Variants in OXSR1 observed in about 807,000 individuals in gnomAD.
OXSR1 encodes the protein oxidative stress responsive kinase 1, also known as serine/threonine-protein kinase OSR1.
OXSR1 carries 24 observed loss-of-function variants against 79.8 expected under a neutral mutation model. That is an observed-to-expected ratio of 0.30 (90% confidence interval 0.22 to 0.42). The LOEUF is 0.42. Ranked by LOEUF, OXSR1 falls within the 10% of genes least tolerant of loss-of-function variation. The pLI is 1.00. For synonymous variants in OXSR1, 226 were observed against 209.2 expected (o/e 1.08, Z -0.69); for missense variants, 430 against 618.4 (o/e 0.70, Z 3.23).
rs1701432990 is a variant in OXSR1, at chr3:38,165,727, C to T, written c.-150C>T. ...TGCTCTGCCGCGCGGTGACCCCGCG[C>T]CCCGGCGCCGTCCGACCCGTGGCTG... On this transcript the variant is annotated 5_prime_UTR_variant, in exon 1 of 18. Transcript: ENST00000311806. 4 of 655,266 alleles carry T rather than the reference C, an allele frequency of 6.1e-6. No homozygotes were observed. Among genetic ancestry groups the T allele is most frequent in the South Asian group, 2.0e-5 (1 of 51,106 alleles). 40.6% of individuals were successfully genotyped at this position (655,266 alleles called of 1,614,324 possible).
chr3:38,175,010 T>G (rs1701652096), intron 1 of OXSR1, among the ~76,000 whole-genome samples: 1 of 152,204 alleles, frequency 6.6e-6, no homozygotes, highest in Admixed American at 6.5e-5. Flanking sequence ...CAGTTAATTT[T>G]CAACATGACT....
chr3:38,177,181 G>T (rs1165794397), intron 1 of OXSR1, among the ~76,000 whole-genome samples: 16 of 152,234 alleles, frequency 1.1e-4, no homozygotes, highest in Admixed American at 9.8e-4. Flanking sequence ...TGCCTTTCTT[G>T]TAGATTTGTG....
chr3:38,251,636 A>G (rs780233263), intron 16 of OXSR1, among the ~76,000 whole-genome samples, 165 bp downstream of exon 16: 1 of 152,126 alleles, frequency 6.6e-6, no homozygotes, highest in Non-Finnish European at 1.5e-5. Context: ...CACACACACA[A>G]AATTTCACCT....
At chr3:38,194,234 A>T (rs1219009170) in intron 3 of OXSR1, among the ~76,000 whole-genome samples, 1 of 152,192 alleles carries the variant, frequency 6.6e-6, no homozygotes, top group Non-Finnish European at 1.5e-5. Flanking sequence ...CTGGAGGTGA[A>T]GTCCAACTGA....
rs34689148 is a variant in OXSR1, at chr3:38,212,729, A to G, written c.435-3367A>G. Among the ~76,000 whole-genome samples, 361 of 152,340 alleles carry G rather than the reference A, an allele frequency of 2.4e-3. 1 individual carries two copies. The highest frequency in any genetic ancestry group is 8.4e-3 in the African/African-American group (348 of 41,578). On this transcript the variant is annotated intron_variant, in intron 4 of 17. Transcript: ENST00000311806. ...GGGCAACAGTGACATGTGAGAAATG[A>G]CATTAAGCAGTAAAAAACAAAACTC...
At chr3:38,215,076 A>T (rs978815268) in intron 4 of OXSR1, among the ~76,000 whole-genome samples, 3 of 152,148 alleles carry the variant, frequency 2.0e-5, no homozygotes, top group Admixed American at 1.3e-4. Flanking sequence ...TGTTCCCTAG[A>T]CTTCAATTCC....
At chr3:38,206,121 C>G (rs1575335219) in intron 4 of OXSR1, among the ~76,000 whole-genome samples, 1 of 152,020 alleles carries the variant, frequency 6.6e-6, no homozygotes, top group Admixed American at 6.5e-5. Context: ...AATTTTGACA[C>G]AAGAAACTTT....
At chr3:38,178,620 A>T (rs201613368) in intron 1 of OXSR1, among the ~76,000 whole-genome samples, 2,649 of 95,002 alleles carry the variant, frequency 0.028, 72 homozygotes, top group South Asian at 0.034. Flanking sequence ...ATATATATAT[A>T]TTTTTTTTTT....
In OXSR1 at chr3:38,181,117, CT is replaced by C. The variant is rs74541704; in HGVS notation, c.71-1873del. On this transcript the variant is annotated intron_variant, in intron 1 of 17. Coordinates refer to ENST00000311806, the MANE Select transcript of OXSR1 (RefSeq NM_005109.3). ...TCCCACCATTCCCTAAGGCTTTGTT[CT>C]TTTTTTTTTTTTCCCTAGTCTGTTT... Among the ~76,000 whole-genome samples the C allele has an allele frequency of 5.7e-3, 813 of 142,316 alleles. 4 individuals are homozygous for C. Among genetic ancestry groups the C allele is most frequent in the African/African-American group, 0.011 (445 of 39,164 alleles). 93.4% of individuals were successfully genotyped at this position (142,316 alleles called of 152,430 possible). A position where few individuals can be genotyped will look rare whatever the true frequency, so the allele number is the denominator to read the frequency against.
chr3:38,236,944 G>C lies in OXSR1; in HGVS notation c.1057G>C (p.Ala353Pro). ...TGAAGAAAGTGAGGAAGGGAAAGCA[G>C]CAATTTCACAACTCAGGGTAAATTT... is the stretch of plus-strand genomic sequence containing the variant. ...FDEESEEGKA[A>P]ISQLRSPRVK... Residue 353 changes from alanine to proline, a missense_variant, in exon 11 of 18, where the codon GCA becomes CCA. Coordinates refer to ENST00000311806, the MANE Select transcript of OXSR1 (RefSeq NM_005109.3). 1 of 1,611,750 alleles carries C rather than the reference G, an allele frequency of 6.2e-7. No homozygotes were observed. The highest frequency in any genetic ancestry group is 8.5e-7 in the Non-Finnish European group (1 of 1,178,564).
intron 5 of OXSR1, among the ~76,000 whole-genome samples, chr3:38,218,738 C>T (rs1315363013): frequency 6.6e-6 from 1 of 152,256 alleles, no homozygotes; most frequent in East Asian, 1.9e-4. Flanking sequence ...GAAATCATTG[C>T]TAACGCCAGT....
intron 2 of OXSR1, among the ~76,000 whole-genome samples, chr3:38,185,017 C>T (rs1294676500): frequency 7.3e-6 from 1 of 137,694 alleles, no homozygotes; most frequent in Admixed American, 7.9e-5. Context: ...GATCTCGGCT[C>T]ACTCTGACCT....
intron 11 of OXSR1, among the ~76,000 whole-genome samples, chr3:38,239,851 C>G (rs1702993051): frequency 6.6e-6 from 1 of 152,152 alleles, no homozygotes; most frequent in Admixed American, 6.6e-5. Flanking sequence ...TAGGTTCCAC[C>G]TCCCTGTGCC....
chr3:38,193,951 A>G lies in OXSR1; in HGVS notation c.292+3112A>G, dbSNP rs577090825. ...TGAAATCTTTTGTTGTTATAAAATG[A>G]ATAAACATTTAAACTGAGATGAAAC... On this transcript the variant is annotated intron_variant, in intron 3 of 17. Coordinates refer to ENST00000311806, the MANE Select transcript of OXSR1 (RefSeq NM_005109.3). 3.3e-5 allele frequency among the ~76,000 whole-genome samples: 5 copies of G among 152,326 alleles called. No homozygotes were observed. The East Asian group carries it at 9.6e-4, about 29-fold the overall frequency.
chr3:38,201,242 C>CT (rs1276545571), intron 4 of OXSR1, among the ~76,000 whole-genome samples: 1 of 151,960 alleles, frequency 6.6e-6, no homozygotes, highest in Non-Finnish European at 1.5e-5. Context: ...ATCTTCCTGC[C>CT]TTTTTTTATC....
At chr3:38,169,299 TTTTTTTTG>T (rs1057135185) in intron 1 of OXSR1, among the ~76,000 whole-genome samples, 33 of 152,128 alleles carry the variant, frequency 2.2e-4, no homozygotes, top group African/African-American at 8.0e-4. Context: ...TGGGTTGTTT[TTTTTTTTG>T]TTTGTTTGTT....
Position 38,217,716 on chromosome 3 carries a change from A to G in OXSR1, c.490+1565A>G, listed in dbSNP as rs150039632. On this transcript the variant is annotated intron_variant, in intron 5 of 17. Coordinates refer to ENST00000311806, the MANE Select transcript of OXSR1 (RefSeq NM_005109.3). ...TAATTTTTGTATTTGTAGTAGAGAC[A>G]GTGTTTCTCCATGTTGGCCAGGCTG... Among the ~76,000 whole-genome samples the G allele has an allele frequency of 3.5e-3, 537 of 152,110 alleles. 6 individuals carry two copies. The highest frequency in any genetic ancestry group is 0.013 in the African/African-American group (525 of 41,508).
intron 7 of OXSR1, among the ~76,000 whole-genome samples, chr3:38,224,159 G>A (rs1702643334): frequency 6.6e-6 from 1 of 152,172 alleles, no homozygotes; most frequent in South Asian, 2.1e-4. Context: ...CCATTAAATA[G>A]TAACTCTTGA....
intron 2 of OXSR1, among the ~76,000 whole-genome samples, chr3:38,189,215 G>A (rs1701939725): frequency 6.6e-6 from 1 of 151,894 alleles, no homozygotes; most frequent in South Asian, 2.1e-4. Context: ...CTTTCCTATA[G>A]ATTCTTATAA....
Sources: gnomAD v4.1 joint callset for allele counts (sites outside exome capture counted in the v4.1 genomes callset) on GRCh38, gnomAD v4.1.1 for gene constraint, MANE v1.5 for transcripts, NCBI Gene and HGNC (gene_info 2026-07-23, HGNC 2026-07-21) for gene names.